The following HECTD2 variants were observed in gnomAD, a reference collection of about 807,000 sequenced individuals.
HECTD2 encodes the protein HECT domain E3 ubiquitin protein ligase 2.
Under a neutral mutation model 103.2 loss-of-function variants are expected in HECTD2, and 35 were observed. The ratio of observed to expected loss-of-function variants is 0.34; its 90% CI spans 0.26 to 0.45. The LOEUF (loss-of-function observed/expected upper bound fraction) is 0.45, where lower values mean the gene tolerates loss of function less well. Among genes scored for constraint, HECTD2 ranks in the 20% least tolerant of loss-of-function variants. The probability of loss-of-function intolerance (pLI) is 1.00; values close to 1 mark genes in which losing one functional copy is unlikely to be tolerated. For missense variants in HECTD2, 596 were observed against 937.4 expected (o/e 0.64, Z 4.76); for synonymous variants, 281 against 329.9 (o/e 0.85, Z 1.61).
intron 2 of HECTD2, among the ~76,000 whole-genome samples, chr10:91,434,658 C>T (rs1488180185): frequency 1.3e-5 from 2 of 151,806 alleles, no homozygotes; most frequent in African/African-American, 4.8e-5. Context: ...AGTTTAATGG[C>T]TCCTACACCC....
At position 91,484,388 on chromosome 10, in the gene HECTD2, T is replaced by C. The variant is rs773971873; in HGVS notation, c.822-119T>C. ...TTCAAATGTTTGGCAATTTAAGAAA[T>C]AGAATTTGGGGGAATAGTCTAAAAT... On this transcript the variant is annotated intron_variant, in intron 8 of 20. Coordinates refer to ENST00000298068, the MANE Select transcript of HECTD2 (RefSeq NM_182765.6). The C allele has an allele frequency of 1.6e-5, 23 of 1,445,898 alleles. No individual in the cohort carries two copies. In the East Asian group the frequency reaches 3.4e-4, roughly 21 times the overall value. 89.6% of individuals were successfully genotyped at this position (1,445,898 alleles called of 1,614,324 possible).
chr10:91,479,673 T>C (rs1377935727), intron 6 of HECTD2, among the ~76,000 whole-genome samples: 1 of 152,152 alleles, frequency 6.6e-6, no homozygotes, highest in Non-Finnish European at 1.5e-5. Flanking sequence ...TGAGCATTTA[T>C]GTAAAAATTT....
At chr10:91,440,345 T>C (rs907330048) in intron 2 of HECTD2, among the ~76,000 whole-genome samples, 21 of 152,324 alleles carry the variant, frequency 1.4e-4, no homozygotes, top group African/African-American at 5.0e-4. Context: ...TGTGTGGTTT[T>C]TGTCATCGGT....
Position 91,510,617 on chromosome 10 carries a change from G to T in HECTD2, c.2211-1647G>T, listed in dbSNP as rs1480528030. Among the ~76,000 whole-genome samples the T allele has an allele frequency of 2.0e-5, 3 of 152,118 alleles. No individual in the cohort carries two copies. The East Asian group carries it at 5.8e-4, about 29-fold the overall frequency. ...AAAACAAATGTTTTAAATAACTCGG[G>T]AAATGTTATTGAATGGATGCATGAA... On this transcript the variant is annotated intron_variant, in intron 20 of 20. Coordinates refer to ENST00000298068, the MANE Select transcript of HECTD2 (RefSeq NM_182765.6).
At chr10:91,484,231 A>T in intron 8 of HECTD2, 1 of 698,450 alleles carries the variant, frequency 1.4e-6, no homozygotes, top group Non-Finnish European at 2.3e-6. Flanking sequence ...GCAAATTTGG[A>T]AATATAGAAT....
chr10:91,503,993 G>A (rs1385457240), intron 20 of HECTD2, among the ~76,000 whole-genome samples: 1 of 152,108 alleles, frequency 6.6e-6, no homozygotes, highest in Non-Finnish European at 1.5e-5. Context: ...AGCCTAACTG[G>A]GAGGCACCCT....
chr10:91,484,022 T>C (rs1846183661), intron 8 of HECTD2: 2 of 245,496 alleles, frequency 8.1e-6, no homozygotes, highest in South Asian at 1.9e-4. Context: ...AGCACCAAAA[T>C]GTGAAAAACA....
chr10:91,506,555 T>C (rs887665159), intron 20 of HECTD2, among the ~76,000 whole-genome samples: 2 of 151,954 alleles, frequency 1.3e-5, no homozygotes, highest in Admixed American at 6.5e-5. Flanking sequence ...ATACATACAC[T>C]CTCCCAAGAC....
At position 91,462,140 on chromosome 10, in the gene HECTD2, A is replaced by C. The variant is rs1446184878; in HGVS notation, c.556A>C (p.Asn186His). 2.5e-6 allele frequency: 4 copies of C among 1,596,194 alleles called. No homozygotes were observed. The African/African-American group carries it at 5.4e-5, about 21-fold the overall frequency. Residue 186 changes from asparagine (N) to histidine (H), a missense_variant, in exon 5 of 21, where the codon AAT (asparagine) becomes CAT (histidine). Asn to His is a moderately conservative substitution (Grantham distance 68). This residue lies in a region of HECTD2 where 303 missense variants were observed against 522.5 expected (regional missense o/e 0.58). Coordinates refer to ENST00000298068, the MANE Select transcript of HECTD2 (RefSeq NM_182765.6). Reference protein sequence around the residue: ...SFNTIEDSGINAKFVNAVYDT... With the variant: ...SFNTIEDSGIHAKFVNAVYDT... ...TAACACCATTGAAGACTCTGGGATTAATGCTAAATTTGTGAATGCTGTGTA... is the reference window on the plus strand; with the variant it reads ...TAACACCATTGAAGACTCTGGGATTCATGCTAAATTTGTGAATGCTGTGTA...
chr10:91,416,800 C>T (rs1843144292), intron 1 of HECTD2, among the ~76,000 whole-genome samples: 1 of 152,114 alleles, frequency 6.6e-6, no homozygotes, highest in Non-Finnish European at 1.5e-5. Flanking sequence ...TATGTATTGC[C>T]TTTGCCTTTA....
intron 1 of HECTD2, among the ~76,000 whole-genome samples, chr10:91,414,741 C>T (rs527273778): frequency 2.6e-5 from 4 of 152,172 alleles, no homozygotes; most frequent in African/African-American, 7.2e-5. Context: ...AATCCAGTGA[C>T]GAAAACAGCA....
At chr10:91,448,932 G>C (rs980956135) in intron 2 of HECTD2, among the ~76,000 whole-genome samples, 1 of 103,718 alleles carries the variant, frequency 9.6e-6, no homozygotes, top group East Asian at 2.6e-4. Context: ...ATTGACAGGT[G>C]AATTCTACCA....
chr10:91,476,019 T>C (rs926061807), intron 5 of HECTD2, among the ~76,000 whole-genome samples: 3 of 152,202 alleles, frequency 2.0e-5, no homozygotes, highest in Non-Finnish European at 4.4e-5. Context: ...AGGAGTCTAG[T>C]TGATACAGTC....
At chr10:91,438,569 T>A (rs905896033) in intron 2 of HECTD2, among the ~76,000 whole-genome samples, 3 of 152,188 alleles carry the variant, frequency 2.0e-5, no homozygotes, top group Non-Finnish European at 4.4e-5. Flanking sequence ...GTAGAATGAT[T>A]TATCTTCCTT....
chr10:91,494,698 T>C (rs1307068619), intron 14 of HECTD2, among the ~76,000 whole-genome samples: 3 of 152,070 alleles, frequency 2.0e-5, no homozygotes, highest in African/African-American at 7.2e-5. Context: ...CGCTTAACAA[T>C]TCTGAGACTC....
chr10:91,490,367 T>C (rs1460792898), intron 11 of HECTD2, among the ~76,000 whole-genome samples: 3 of 152,196 alleles, frequency 2.0e-5, no homozygotes. Context: ...GTATAAAATA[T>C]GTTCTAAGAA....
At chr10:91,482,194 C>A (rs1461745667) in intron 7 of HECTD2, among the ~76,000 whole-genome samples, 1 of 151,742 alleles carries the variant, frequency 6.6e-6, no homozygotes, top group Non-Finnish European at 1.5e-5. Flanking sequence ...GAGGTCAGTC[C>A]CAGATTTTGA....
chr10:91,513,415 A>AATGAT lies in HECTD2; in HGVS notation c.*1034_*1038dup, dbSNP rs1469887362. ...AATACAATAATAACACTTGTGTCAA[A>AATGAT]ATGATATAGCTTAGTATAAAAATAA... On this transcript the variant is annotated 3_prime_UTR_variant, in exon 21 of 21. Transcript: ENST00000298068. 1 of 152,642 alleles carries AATGAT rather than the reference A, an allele frequency of 6.6e-6. No homozygotes were observed. The highest frequency in any genetic ancestry group is 1.5e-5 in the Non-Finnish European group (1 of 68,038). 9.5% of individuals were successfully genotyped at this position (152,642 alleles called of 1,614,324 possible).
In HECTD2 at chr10:91,487,640, A is replaced by G. The variant is rs1213623605; in HGVS notation, c.1095-42A>G. 2.3e-6 allele frequency: 3 copies of G among 1,290,918 alleles called. No homozygotes were observed. The Admixed American group carries it at 5.0e-5, about 22-fold the overall frequency. The allele number at this position is 1,290,918 out of a possible 1,614,324, so 80.0% of individuals were successfully genotyped here. ...ATTCCCTTAGTATAATTTTGTTAAA[A>G]ATACACCATTTTGCTTTTTCTTTTT... On this transcript the variant is annotated intron_variant, in intron 10 of 20. Coordinates refer to ENST00000298068, the MANE Select transcript of HECTD2 (RefSeq NM_182765.6). The surrounding 1 kb of genome is among the most constrained non-coding windows in gnomAD (Gnocchi z 4.1).
Sources: allele counts gnomAD v4.1 joint callset (sites outside exome capture counted in the v4.1 genomes callset), GRCh38; gene constraint gnomAD v4.1.1; regional missense constraint gnomAD v4.1.1; non-coding constraint Gnocchi (gnomAD v3.1); transcripts MANE v1.5; gene names NCBI Gene and HGNC (gene_info 2026-07-23, HGNC 2026-07-21).